Variants in GRIN3A observed in about 807,000 individuals in gnomAD.
GRIN3A encodes glutamate ionotropic receptor NMDA type subunit 3A, also known as glutamate receptor ionotropic, NMDA 3A.
Under a neutral mutation model 92.4 loss-of-function variants are expected in GRIN3A, and 47 were observed. That is an observed-to-expected ratio of 0.51 (90% CI 0.40 to 0.65). The LOEUF is 0.65. Ranked by LOEUF, GRIN3A falls within the 30% of genes least tolerant of loss-of-function variation. The pLI is 0.00. For missense variants in GRIN3A, 1,324 were observed against 1,393.1 expected (o/e 0.95, Z 0.79); for synonymous variants, 527 against 540.6 (o/e 0.97, Z 0.35).
rs1175939660 is a variant in GRIN3A, at chr9:101,579,181, A to C, written c.2931+15T>G. ...CAGTTTAAGAATATTGGAGCAAGAC[A>C]CCTGTGGCACTCACCTGGCTGGTGT... On this transcript the variant is annotated intron_variant, in intron 7 of 8. Coordinates refer to ENST00000361820, the MANE Select transcript of GRIN3A (RefSeq NM_133445.3). The C allele has an allele frequency of 1.2e-6, 2 of 1,613,172 alleles. No individual in the cohort carries two copies. The highest frequency in any genetic ancestry group is 2.7e-5 in the African/African-American group (2 of 74,856).
At chr9:101,675,160 C>T (rs904946534) in intron 2 of GRIN3A, among the ~76,000 whole-genome samples, 11 of 151,862 alleles carry the variant, frequency 7.2e-5, no homozygotes, top group African/African-American at 2.7e-4. Flanking sequence ...CAAAGTAGTT[C>T]AGGTATTCAT....
At chr9:101,711,572 G>A (rs1388358809) in intron 1 of GRIN3A, among the ~76,000 whole-genome samples, 1 of 152,070 alleles carries the variant, frequency 6.6e-6, no homozygotes, top group Non-Finnish European at 1.5e-5. Flanking sequence ...GAAGAGAAAG[G>A]GTTTGCTGCT....
chr9:101,597,966 C>T (rs1828161478), intron 6 of GRIN3A, among the ~76,000 whole-genome samples: 1 of 151,908 alleles, frequency 6.6e-6, no homozygotes, highest in African/African-American at 2.4e-5. Context: ...GGCTCATGAG[C>T]CATGAGAATA....
intron 2 of GRIN3A, among the ~76,000 whole-genome samples, chr9:101,683,255 T>C (rs1018182597): frequency 4.6e-5 from 7 of 152,230 alleles, no homozygotes; most frequent in African/African-American, 1.7e-4. Flanking sequence ...TTAACAGTTC[T>C]GTCAGCCCAA....
chr9:101,640,668 A>G (rs146974759), intron 3 of GRIN3A, among the ~76,000 whole-genome samples: 3 of 152,200 alleles, frequency 2.0e-5, no homozygotes, highest in East Asian at 1.9e-4. Flanking sequence ...GAGGGACCCA[A>G]TGGGAGGTAA....
intron 3 of GRIN3A, among the ~76,000 whole-genome samples, chr9:101,636,050 T>C (rs1433085859): frequency 1.3e-5 from 2 of 152,122 alleles, no homozygotes; most frequent in East Asian, 3.9e-4. Flanking sequence ...TATTTTTGTG[T>C]GTGTGTGTTT....
chr9:101,684,298 C>A (rs1370674183), intron 2 of GRIN3A, among the ~76,000 whole-genome samples: 1 of 82,012 alleles, frequency 1.2e-5, no homozygotes, highest in Non-Finnish European at 2.3e-5. Context: ...TTTTTTTGTG[C>A]AGACGGGGTT....
chr9:101,650,527 T>G (rs535140518), intron 3 of GRIN3A, among the ~76,000 whole-genome samples: 1 of 152,154 alleles, frequency 6.6e-6, no homozygotes, highest in East Asian at 1.9e-4. Flanking sequence ...CTGTGTATCA[T>G]CCAACAGCCA....
At chr9:101,720,926 C>T (rs987647989) in intron 1 of GRIN3A, among the ~76,000 whole-genome samples, 1 of 152,126 alleles carries the variant, frequency 6.6e-6, no homozygotes, top group African/African-American at 2.4e-5. Context: ...ATGAAATAAT[C>T]TGTACAACAG....
intron 6 of GRIN3A, among the ~76,000 whole-genome samples, chr9:101,595,518 C>T (rs1370782676): frequency 6.6e-6 from 1 of 152,074 alleles, no homozygotes; most frequent in Non-Finnish European, 1.5e-5. Flanking sequence ...GGTGACACAT[C>T]AAGGCATTGA....
rs1410200833 is a variant in GRIN3A, at chr9:101,594,891, T to A, written c.2767-15531A>T. On this transcript the variant is annotated intron_variant, in intron 6 of 8. Transcript: ENST00000361820. ...TCATCATTGTCAAAGTGGGAGCACA[T>A]CTCCGCCGGGTAACTGGCCTCGTTT... The A allele has an allele frequency of 1.9e-6, 3 of 1,600,554 alleles. No individual in the cohort carries two copies. The East Asian group carries it at 6.7e-5, about 36-fold the overall frequency.
At chr9:101,685,553 T>C (rs928515050) in intron 2 of GRIN3A, among the ~76,000 whole-genome samples, 3 of 151,964 alleles carry the variant, frequency 2.0e-5, no homozygotes, top group African/African-American at 7.2e-5. Flanking sequence ...TAAGCCCTAA[T>C]GAAATATCCT....
Position 101,573,349 on chromosome 9 carries a change from A to C in GRIN3A, c.3173T>G (p.Leu1058Trp). 2 of 1,614,002 alleles carry C rather than the reference A, an allele frequency of 1.2e-6. No homozygotes were observed. The highest frequency in any genetic ancestry group is 4.5e-5 in the East Asian group (2 of 44,866). Residue 1058 changes from leucine to tryptophan, a missense_variant, in exon 9 of 9, where the codon TTG becomes TGG. By Grantham distance (61) the Leu-to-Trp change is moderately conservative. Transcript: ENST00000361820. Reference protein sequence around the residue: ...LPPRRRELPALRTTNGKADSL... With the variant: ...LPPRRRELPAWRTTNGKADSL... ...GTCTGCTTTCCCATTGGTGGTCCGC[A>C]AGGCAGGGAGCTCTCTTCTCCTTGG... is the stretch of plus-strand genomic sequence containing the variant.
At chr9:101,707,554 G>T (rs1829828327) in intron 1 of GRIN3A, among the ~76,000 whole-genome samples, 3 of 152,164 alleles carry the variant, frequency 2.0e-5, no homozygotes. Flanking sequence ...ATAGAGGGGG[G>T]TCATATTATT....
At position 101,615,386 on chromosome 9, in the gene GRIN3A, C is replaced by CTTT. The variant is rs547717146; in HGVS notation, c.2615-1862_2615-1860dup. On this transcript the variant is annotated intron_variant, in intron 5 of 8. Coordinates refer to ENST00000361820, the MANE Select transcript of GRIN3A (RefSeq NM_133445.3). ...ATTTCAAGAGCACTGATTTTTGTTC[C>CTTT]TTTTTTTTTTTTTTTTTTTTGAGAC... Among the ~76,000 whole-genome samples, 157 of 124,282 alleles carry CTTT rather than the reference C, an allele frequency of 1.3e-3. 2 individuals carry two copies. Among genetic ancestry groups the CTTT allele is most frequent in the African/African-American group, 3.5e-3 (120 of 34,326 alleles). 81.5% of individuals were successfully genotyped at this position (124,282 alleles called of 152,430 possible).
chr9:101,654,952 G>C (rs952771264), intron 3 of GRIN3A, among the ~76,000 whole-genome samples: 1 of 151,774 alleles, frequency 6.6e-6, no homozygotes, highest in Non-Finnish European at 1.5e-5. Flanking sequence ...AATACATATG[G>C]TGACATATAT....
chr9:101,631,605 A>C (rs1828716203), intron 3 of GRIN3A, among the ~76,000 whole-genome samples: 1 of 152,132 alleles, frequency 6.6e-6, no homozygotes, highest in African/African-American at 2.4e-5. Context: ...CCAGGCTCAG[A>C]ATTCTGCTGG....
Position 101,670,425 on chromosome 9 carries a change from C to T in GRIN3A, c.1987G>A (p.Ala663Thr), listed in dbSNP as rs1564140542. ...LGILVRTRDTAAPIGAFMWPL... is the reference protein window; with the variant it reads ...LGILVRTRDTTAPIGAFMWPL... ...CACATGAAGGCTCCAATGGGAGCTG[C>T]TGTATCTCGGGTCCTCACTAAGATG... Residue 663 changes from alanine to threonine, a missense_variant, in exon 3 of 9, where the codon GCA becomes ACA. Transcript: ENST00000361820. 6.2e-7 allele frequency: 1 copy of T among 1,613,998 alleles called. No homozygotes were observed. The highest frequency in any genetic ancestry group is 1.6e-4 in the Middle Eastern group (1 of 6,062).
At position 101,689,743 on chromosome 9, in the gene GRIN3A, TACACACACAC is replaced by T. The variant is rs33984810; in HGVS notation, c.700-2553_700-2544del. 7.6e-3 allele frequency among the ~76,000 whole-genome samples: 1,092 copies of T among 143,798 alleles called. 11 individuals are homozygous for T. Among genetic ancestry groups the T allele is most frequent in the African/African-American group, 0.027 (1,047 of 38,708 alleles). 94.3% of individuals were successfully genotyped at this position (143,798 alleles called of 152,430 possible). On this transcript the variant is annotated intron_variant, in intron 1 of 8. Transcript: ENST00000361820. ...ATGCATACACATGCACACACACACA[TACACACACAC>T]ACACACACACACACACACACAAAGA...
Sources: gnomAD v4.1 joint callset for allele counts (sites outside exome capture counted in the v4.1 genomes callset) on GRCh38, gnomAD v4.1.1 for gene constraint, MANE v1.5 for transcripts, NCBI Gene and HGNC (gene_info 2026-07-23, HGNC 2026-07-21) for gene names.